MICU1: variants seen among roughly 807,000 people sequenced by gnomAD.
MICU1 encodes the protein mitochondrial calcium uptake 1, also known as calcium uptake protein 1, mitochondrial.
A neutral mutation model predicts 56.8 loss-of-function variants in MICU1; 45 were observed. The ratio of observed to expected loss-of-function variants is 0.79; its 90% confidence interval spans 0.62 to 1.02. MICU1 has a LOEUF of 1.02. MICU1 is among the 50% of genes least tolerant of loss of function. MICU1 has a pLI of 0.00. For missense variants in MICU1, 504 were observed against 587.1 expected (o/e 0.86, Z 1.46); for synonymous variants, 186 against 195.1 (o/e 0.95, Z 0.39).
chr10:72,432,035 C>T (rs910713768), intron 8 of MICU1, among the ~76,000 whole-genome samples: 1 of 147,658 alleles, frequency 6.8e-6, no homozygotes, highest in African/African-American at 2.5e-5. Context: ...AGTGCTGATA[C>T]TTGTCTCATT....
intron 10 of MICU1, among the ~76,000 whole-genome samples, chr10:72,394,109 A>T (rs1304714923): frequency 6.6e-6 from 1 of 152,078 alleles, no homozygotes; most frequent in Non-Finnish European, 1.5e-5. Context: ...TTGAAGAGTA[A>T]TTCAATTAAT....
At chr10:72,396,495 A>T (rs1863265985) in intron 10 of MICU1, among the ~76,000 whole-genome samples, 1 of 152,174 alleles carries the variant, frequency 6.6e-6, no homozygotes, top group African/African-American at 2.4e-5. Flanking sequence ...TCTCTGAGCT[A>T]AAGGATGTCC....
intron 4 of MICU1, among the ~76,000 whole-genome samples, chr10:72,536,665 A>G (rs1179805281): frequency 6.6e-6 from 1 of 152,216 alleles, no homozygotes; most frequent in Admixed American, 6.5e-5. Context: ...ATAACGTTAA[A>G]ATTTTAAAAG....
At chr10:72,471,316 C>A (rs992190168) in intron 8 of MICU1, among the ~76,000 whole-genome samples, 13 of 152,204 alleles carry the variant, frequency 8.5e-5, no homozygotes, top group African/African-American at 2.4e-5. Flanking sequence ...AATCTCCTGA[C>A]TTCGTGATCT....
At position 72,455,925 on chromosome 10, in the gene MICU1, G is replaced by A. The variant is rs534592726; in HGVS notation, c.933+19175C>T. On this transcript the variant is annotated intron_variant, in intron 8 of 11. Transcript: ENST00000361114. ...ACTGGAAAACAGCAAGTATTGGATAGTCTGGATTATAAGAATATGTAGCTG... is the reference window on the plus strand; with the variant it reads ...ACTGGAAAACAGCAAGTATTGGATAATCTGGATTATAAGAATATGTAGCTG... Among the ~76,000 whole-genome samples, 5 of 152,268 alleles carry A rather than the reference G, an allele frequency of 3.3e-5. No homozygotes were observed. In the South Asian group the frequency reaches 1.0e-3, roughly 32 times the overall value.
intron 1 of MICU1, among the ~76,000 whole-genome samples, chr10:72,615,247 A>T (rs1050512429): frequency 6.6e-5 from 10 of 152,036 alleles, no homozygotes; most frequent in Admixed American, 5.9e-4. Context: ...CCTCCCCAGT[A>T]ATTGGAATTA....
chr10:72,528,054 G>A (rs914425166), intron 5 of MICU1, among the ~76,000 whole-genome samples: 6 of 152,158 alleles, frequency 3.9e-5, no homozygotes, highest in Admixed American at 2.6e-4. Context: ...TTGAACTCCT[G>A]ACCTCAAGTG....
At chr10:72,455,086 C>T (rs1214147749) in intron 8 of MICU1, among the ~76,000 whole-genome samples, 2 of 152,040 alleles carry the variant, frequency 1.3e-5, no homozygotes, top group African/African-American at 4.8e-5. Context: ...CGCAGTGGCT[C>T]ATGCCTGTAA....
chr10:72,484,868 T>C (rs1404327678), intron 6 of MICU1, among the ~76,000 whole-genome samples: 1 of 152,122 alleles, frequency 6.6e-6, no homozygotes, highest in Non-Finnish European at 1.5e-5. Context: ...CACATAACCT[T>C]CCTAATAAAA....
At chr10:72,435,901 C>A (rs570868123) in intron 8 of MICU1, among the ~76,000 whole-genome samples, 3 of 152,240 alleles carry the variant, frequency 2.0e-5, no homozygotes, top group Non-Finnish European at 4.4e-5. Flanking sequence ...TTGAACTGGG[C>A]GAAGCCCACC....
chr10:72,582,783 CA>C (rs35690148), intron 1 of MICU1: 196 of 139,142 alleles, frequency 1.4e-3, no homozygotes, highest in Admixed American at 1.5e-3. Context: ...GACCTTGTCT[CA>C]AAAAAAAAAA....
chr10:72,608,500 C>A (rs569705322), intron 1 of MICU1, among the ~76,000 whole-genome samples: 1 of 152,194 alleles, frequency 6.6e-6, no homozygotes, highest in Non-Finnish European at 1.5e-5. Flanking sequence ...TGCTCAACAT[C>A]ATCAATCATT....
chr10:72,437,176 C>T (rs1864758261), intron 8 of MICU1, among the ~76,000 whole-genome samples: 1 of 152,082 alleles, frequency 6.6e-6, no homozygotes, highest in Admixed American at 6.6e-5. Context: ...AAAGGGAGAC[C>T]CATCAGACTA....
At chr10:72,474,506 T>G (rs1451708089) in intron 8 of MICU1, among the ~76,000 whole-genome samples, 1 of 152,092 alleles carries the variant, frequency 6.6e-6, no homozygotes, top group Non-Finnish European at 1.5e-5. Flanking sequence ...AAGATACCTT[T>G]GCAACTCTCA....
intron 1 of MICU1, among the ~76,000 whole-genome samples, chr10:72,580,895 C>G (rs1392982378): frequency 6.6e-6 from 1 of 152,146 alleles, no homozygotes; most frequent in African/African-American, 2.4e-5. Context: ...CAAAAATATT[C>G]CAGAAGTTTC....
At chr10:72,509,468 T>C in intron 5 of MICU1, 1 of 1,215,278 alleles carries the variant, frequency 8.2e-7, no homozygotes. Flanking sequence ...AAAATACAAG[T>C]ACCACACGAA....
intron 6 of MICU1, among the ~76,000 whole-genome samples, chr10:72,505,251 T>C (rs1461355777): frequency 6.6e-6 from 1 of 152,118 alleles, no homozygotes. Flanking sequence ...AGTGCTGGGA[T>C]TATAGGCATG....
intron 5 of MICU1, among the ~76,000 whole-genome samples, chr10:72,517,756 T>C (rs1440315690): frequency 6.7e-6 from 1 of 149,372 alleles, no homozygotes; most frequent in Non-Finnish European, 1.5e-5. Flanking sequence ...TACCACCTGT[T>C]CCCCAAAAAC....
intron 8 of MICU1, among the ~76,000 whole-genome samples, chr10:72,471,379 C>T (rs922228335): frequency 1.1e-4 from 16 of 152,184 alleles, no homozygotes; most frequent in African/African-American, 3.6e-4. Flanking sequence ...CCACCATGCC[C>T]GGCCTTCTAC....
Sources: allele counts gnomAD v4.1 joint callset (sites outside exome capture counted in the v4.1 genomes callset), GRCh38; gene constraint gnomAD v4.1.1; transcripts MANE v1.5; gene names NCBI Gene and HGNC (gene_info 2026-07-23, HGNC 2026-07-21).